Variants in COQ8A observed in about 807,000 individuals in gnomAD.
The protein encoded by COQ8A is coenzyme Q8A.
COQ8A carries 51 observed loss-of-function variants against 65.0 expected under a neutral mutation model. The observed-to-expected ratio is 0.78, with a 90% confidence interval of 0.63 to 0.99. The LOEUF (loss-of-function observed/expected upper bound fraction) is 0.99. Ranked by LOEUF, COQ8A falls within the 50% of genes least tolerant of loss-of-function variation. The pLI is 0.00. For synonymous variants in COQ8A, 371 were observed against 353.2 expected, an observed-to-expected ratio of 1.05 and a Z score of -0.57; for missense variants, 940 against 875.0, an observed-to-expected ratio of 1.07 and a Z score of -0.94.
At chr1:226,968,334 C>T (rs573204730) in intron 4 of COQ8A, among the ~76,000 whole-genome samples, 3 of 151,380 alleles carry the variant, frequency 2.0e-5, no homozygotes, top group East Asian at 3.9e-4. Context: ...GACTCTGTCT[C>T]AAAAAACAAG....
At chr1:226,955,543 G>A (rs1572028702) in intron 1 of COQ8A, among the ~76,000 whole-genome samples, 3 of 83,184 alleles carry the variant, frequency 3.6e-5, no homozygotes, top group Non-Finnish European at 4.5e-5. Context: ...ACTCTCCCTG[G>A]TTCACACTCT....
intron 1 of COQ8A, among the ~76,000 whole-genome samples, chr1:226,951,804 A>G (rs1167623935): frequency 6.6e-6 from 1 of 152,142 alleles, no homozygotes; most frequent in Non-Finnish European, 1.5e-5. Context: ...GCAGCTAGGG[A>G]CAATACATAT....
chr1:226,943,963 C>T (rs1656846517), intron 1 of COQ8A, among the ~76,000 whole-genome samples: 1 of 152,052 alleles, frequency 6.6e-6, no homozygotes, highest in African/African-American at 2.4e-5. Context: ...GGGGAGGCAT[C>T]AGTGCAGAGC....
At chr1:226,983,236 C>T (rs1659828280) in intron 8 of COQ8A, 9 of 872,988 alleles carry the variant, frequency 1.0e-5, no homozygotes, top group Non-Finnish European at 1.5e-5. Flanking sequence ...ACTTTGGGGG[C>T]ACAGAGGGGC....
chr1:226,955,332 C>T (rs981599369), intron 1 of COQ8A, among the ~76,000 whole-genome samples: 17 of 151,842 alleles, frequency 1.1e-4, no homozygotes, highest in Admixed American at 4.6e-4. Flanking sequence ...GACTCCCACT[C>T]TCCCTGGCTC....
chr1:226,986,425 G>T, intron 14 of COQ8A, 28 bp from the exon 15 acceptor site: 1 of 1,608,686 alleles, frequency 6.2e-7, no homozygotes, highest in African/African-American at 1.3e-5. Context: ...GTGTCTCGCC[G>T]CCATTTATCC....
Position 226,984,596 on chromosome 1 carries a change from C to T in COQ8A, c.1447C>T (p.His483Tyr), listed in dbSNP as rs1464570942. 1.9e-6 allele frequency: 3 copies of T among 1,614,034 alleles called. No homozygotes were observed. Among genetic ancestry groups the T allele is most frequent in the African/African-American group, 1.3e-5 (1 of 74,902 alleles). ...GTGCCTGAGGGAGCTGTTCGAGTTC[C>T]ACTTCATGCAAACAGACCCCAACTG... is the stretch of plus-strand genomic sequence containing the variant. Reference protein sequence around the residue: ...VLCLRELFEFHFMQTDPNWSN... With the variant: ...VLCLRELFEFYFMQTDPNWSN... Residue 483 changes from histidine (H) to tyrosine (Y), a missense_variant, in exon 12 of 15, where the codon CAC becomes TAC. Transcript: ENST00000366777.
At chr1:226,975,252 T>G (rs1659120957) in intron 4 of COQ8A, among the ~76,000 whole-genome samples, 1 of 152,170 alleles carries the variant, frequency 6.6e-6, no homozygotes, top group Non-Finnish European at 1.5e-5. Context: ...GAGAAAGAGC[T>G]GATGTACCTG....
At chr1:226,964,374 C>T (rs1311243899) in intron 2 of COQ8A, among the ~76,000 whole-genome samples, 2 of 152,160 alleles carry the variant, frequency 1.3e-5, no homozygotes, top group Non-Finnish European at 2.9e-5. Flanking sequence ...GGGCCCGAAG[C>T]TCAGGCCTTG....
At position 226,965,153 on chromosome 1, in the gene COQ8A, C is replaced by G; in HGVS notation, c.331C>G (p.His111Asp). 3.1e-6 allele frequency: 5 copies of G among 1,613,918 alleles called. No individual in the cohort carries two copies. Among genetic ancestry groups the G allele is most frequent in the Non-Finnish European group, 4.2e-6 (5 of 1,180,050 alleles). Residue 111 changes from histidine to aspartate, a missense_variant, in exon 3 of 15, where the codon CAC (histidine) becomes GAC (aspartate). By Grantham distance (81) the His-to-Asp change is moderately conservative. Coordinates refer to ENST00000366777, the MANE Select transcript of COQ8A (RefSeq NM_020247.5). ...QSAPPSLGHA[H>D]SEGPAPAYVA... ...AGCGCCCCCATCCCTGGGTCATGCCCACAGCGAGGGCCCAGCTCCTGCCTA... is the reference window on the plus strand; with the variant it reads ...AGCGCCCCCATCCCTGGGTCATGCCGACAGCGAGGGCCCAGCTCCTGCCTA...
rs1236021400 is a variant in COQ8A at position 226,946,973 on chromosome 1, C to A, written c.-10+6574C>A. On this transcript the variant is annotated intron_variant, in intron 1 of 14. Transcript: ENST00000366777. This position sits in a 1 kb window ranked among gnomAD's most constrained non-coding sequence, Gnocchi z 5.3. Reference sequence around the variant, plus strand: ...CTGGCTCTGGAACCAAGCTTTGCCTCTAGTGGGTAGGATCACTGGTGCTGA... The same window carrying A: ...CTGGCTCTGGAACCAAGCTTTGCCTATAGTGGGTAGGATCACTGGTGCTGA... 6.6e-6 allele frequency among the ~76,000 whole-genome samples: 1 copy of A among 152,210 alleles called. No homozygotes were observed. The highest frequency in any genetic ancestry group is 2.1e-4 in the South Asian group (1 of 4,834).
chr1:226,982,199 G>C, intron 6 of COQ8A, 50 bp downstream of exon 6: 1 of 1,541,678 alleles, frequency 6.5e-7, no homozygotes, highest in Non-Finnish European at 8.7e-7. Context: ...GCTGCTGGGG[G>C]GGTCAACTTC....
intron 4 of COQ8A, among the ~76,000 whole-genome samples, chr1:226,969,857 C>A (rs1658782443): frequency 6.6e-6 from 1 of 152,162 alleles, no homozygotes; most frequent in Non-Finnish European, 1.5e-5. Context: ...GAGTTTATAT[C>A]TACTACCTTA....
At chr1:226,963,641 A>G (rs1222418665) in intron 2 of COQ8A, among the ~76,000 whole-genome samples, 22 of 151,972 alleles carry the variant, frequency 1.4e-4, no homozygotes, top group Admixed American at 1.4e-3. Context: ...GTCTTGCTCC[A>G]TTGCTCAGGC....
chr1:226,986,771 A>T lies in COQ8A; in HGVS notation c.*34A>T. On this transcript the variant is annotated 3_prime_UTR_variant, in exon 15 of 15. Coordinates refer to ENST00000366777, the MANE Select transcript of COQ8A (RefSeq NM_020247.5). The stretch of plus-strand genomic sequence containing the variant: ...GCCACGCCCAGGCCGGCTCCGCGGG[A>T]ACTCTCTCCCTCAGACAGGCCAAAA... The T allele has an allele frequency of 6.2e-7, 1 of 1,602,752 alleles. No individual in the cohort carries two copies. The highest frequency in any genetic ancestry group is 8.5e-7 in the Non-Finnish European group (1 of 1,177,690).
In COQ8A at chr1:226,983,612, A is replaced by T; in HGVS notation, c.1141A>T (p.Met381Leu). 2 of 1,614,006 alleles carry T rather than the reference A, an allele frequency of 1.2e-6. No homozygotes were observed. The highest frequency in any genetic ancestry group is 2.2e-5 in the South Asian group (2 of 91,088). ...CAACAACCTCATGGCCGTGTTGAAC[A>T]TGAGCAACATGCTTCCAGAAGGTCT... ...DVNNLMAVLN[M>L]SNMLPEGLFP... Residue 381 changes from methionine (M) to leucine (L), a missense_variant, in exon 9 of 15, where the codon ATG (methionine) becomes TTG (leucine). Transcript: ENST00000366777.
At chr1:226,966,597 T>C (rs537706988) in intron 4 of COQ8A, among the ~76,000 whole-genome samples, 2 of 152,288 alleles carry the variant, frequency 1.3e-5, no homozygotes, top group East Asian at 3.9e-4. Flanking sequence ...GGGTGAGTGG[T>C]TAGTTCCAGG....
chr1:226,955,563 C>T (rs76782466), intron 1 of COQ8A, among the ~76,000 whole-genome samples: 67 of 15,614 alleles, frequency 4.3e-3, no homozygotes, highest in East Asian at 0.011. Flanking sequence ...TCCCTGGCTC[C>T]CACTCCCTGG....
At chr1:226,948,321 G>A (rs908565061) in intron 1 of COQ8A, among the ~76,000 whole-genome samples, 9 of 152,088 alleles carry the variant, frequency 5.9e-5, no homozygotes, top group African/African-American at 9.7e-5. Context: ...CCATCACCTC[G>A]TTCTGACTCT....
Sources: gnomAD v4.1 joint callset for allele counts (sites outside exome capture counted in the v4.1 genomes callset) on GRCh38, gnomAD v4.1.1 for gene constraint, Gnocchi (gnomAD v3.1) non-coding constraint, MANE v1.5 for transcripts, NCBI Gene and HGNC (gene_info 2026-07-23, HGNC 2026-07-21) for gene names.